LRRC41: variants seen among roughly 807,000 people sequenced by gnomAD.
LRRC41 encodes leucine-rich repeat-containing protein 41.
LRRC41 carries 17 observed loss-of-function variants against 72.1 expected under a neutral mutation model. The ratio of observed to expected loss-of-function variants is 0.24; its 90% CI spans 0.16 to 0.35. The LOEUF (loss-of-function observed/expected upper bound fraction) is 0.35. LRRC41 is among the 10% of genes least tolerant of loss of function. LRRC41 has a pLI of 1.00. For synonymous variants in LRRC41, 427 were observed against 431.0 expected (o/e 0.99, Z 0.11); for missense variants, 759 against 1,065.0 (o/e 0.71, Z 4.00).
At position 46,286,680 on chromosome 1, in the gene LRRC41, G is replaced by A. The variant is rs184586520; in HGVS notation, c.358-181C>T. On this transcript the variant is annotated intron_variant, in intron 3 of 9. Coordinates refer to ENST00000617190, the MANE Select transcript of LRRC41 (RefSeq NM_006369.5). The surrounding 1 kb of genome is among the most constrained non-coding windows in gnomAD (Gnocchi z 5.5). ...TTTACAGGTAAAACCGAGGCACAAA[G>A]AGGTGGCCACACAGGTAAGTGGTTG... is the stretch of plus-strand genomic sequence containing the variant. Among the ~76,000 whole-genome samples, 11 of 152,304 alleles carry A rather than the reference G, an allele frequency of 7.2e-5. No homozygotes were observed. Among genetic ancestry groups the A allele is most frequent in the Non-Finnish European group, 1.3e-4 (9 of 68,024 alleles).
chr1:46,280,337 G>C, intron 6 of LRRC41, 47 bp from the exon 7 acceptor site: 3 of 1,612,588 alleles, frequency 1.9e-6, no homozygotes, highest in Non-Finnish European at 2.5e-6. Flanking sequence ...AGCTTTCCTA[G>C]AGAACAGTGC....
In LRRC41 at chr1:46,278,560, G is replaced by A. The variant is rs77861037; in HGVS notation, c.*305C>T. On this transcript the variant is annotated 3_prime_UTR_variant, in exon 10 of 10. Coordinates refer to ENST00000617190, the MANE Select transcript of LRRC41 (RefSeq NM_006369.5). The stretch of plus-strand genomic sequence containing the variant: ...CCTGGGTGCCTGCTTGAGGAGGGAA[G>A]GCAGGAACCCAGGGGCAGGGGAGGG... 1 of 610,150 alleles carries A rather than the reference G, an allele frequency of 1.6e-6. No homozygotes were observed. The highest frequency in any genetic ancestry group is 2.9e-6 in the Non-Finnish European group (1 of 347,878). 37.8% of individuals were successfully genotyped at this position (610,150 alleles called of 1,614,324 possible).
intron 3 of LRRC41, among the ~76,000 whole-genome samples, chr1:46,288,572 T>C (rs1660931515): frequency 6.6e-6 from 1 of 152,192 alleles, no homozygotes; most frequent in South Asian, 2.1e-4. Context: ...CTAAAACATT[T>C]CTTTGATCCT....
At position 46,303,192 on chromosome 1, in the gene LRRC41, G is replaced by T. The variant is rs201408120; in HGVS notation, c.131C>A (p.Pro44His). ...KSSASGPNAP[P>H]ALFELCGRAV... ...CCGCCCGCACAGCTCGAACAGGGCG[G>T]GGGGAGCGTTGGGGCCCGAGGCCGA... The change falls in exon 1 of 10, where the codon CCC becomes CAC. Residue 44 changes from proline (P) to histidine (H), a missense_variant. By Grantham distance (77) the Pro-to-His change is moderately conservative. This residue lies in a region of LRRC41 where 106 missense variants were observed against 66.1 expected (regional missense o/e 1.60). Transcript: ENST00000617190. 1.2e-5 allele frequency: 19 copies of T among 1,575,788 alleles called. 1 individual carries two copies. Among genetic ancestry groups the T allele is most frequent in the African/African-American group, 5.5e-5 (4 of 73,238 alleles).
At position 46,280,976 on chromosome 1, in the gene LRRC41, T is replaced by C. The variant is rs192901364; in HGVS notation, c.1756+149A>G. 7.5e-4 allele frequency: 815 copies of C among 1,081,064 alleles called. 4 individuals carry two copies. The African/African-American group carries it at 0.011, about 15-fold the overall frequency. 67.0% of individuals were successfully genotyped at this position (1,081,064 alleles called of 1,614,324 possible). On this transcript the variant is annotated intron_variant, in intron 5 of 9. Transcript: ENST00000617190. ...CCTGTCTAGCTCAAGAGTATCTTAG[T>C]GGTAGGCTCTAAAGGGGGGATAGGT...
In LRRC41 at chr1:46,302,606, C is replaced by T. The variant is rs1661264646; in HGVS notation, c.199+518G>A. 1 of 985,314 alleles carries T rather than the reference C, an allele frequency of 1.0e-6. No homozygotes were observed. Among genetic ancestry groups the T allele is most frequent in the African/African-American group, 1.7e-5 (1 of 57,342 alleles). 61.0% of individuals were successfully genotyped at this position (985,314 alleles called of 1,614,324 possible). A position where few individuals can be genotyped will look rare whatever the true frequency, so the allele number is the denominator to read the frequency against. ...TCCTCCCCTCCGCCCATCGGCTTGG[C>T]CTCCGGAATCTCGACCCCCGTGGCG... On this transcript the variant is annotated intron_variant, in intron 1 of 9. Transcript: ENST00000617190. The surrounding 1 kb of genome is among the most constrained non-coding windows in gnomAD (Gnocchi z 4.7).
intron 3 of LRRC41, among the ~76,000 whole-genome samples, chr1:46,291,490 A>G (rs1661014402): frequency 2.0e-5 from 3 of 149,110 alleles, no homozygotes; most frequent in South Asian, 4.2e-4. Flanking sequence ...GCATGCCACT[A>G]TGCACAGCTA....
At chr1:46,289,471 G>GTA in intron 3 of LRRC41, among the ~76,000 whole-genome samples, 1 of 152,242 alleles carries the variant, frequency 6.6e-6, no homozygotes, top group East Asian at 1.9e-4. Context: ...CCACTCTTAA[G>GTA]AATCTATGGG....
rs201409018 is a variant in LRRC41 at position 46,285,680 on chromosome 1, G to C, written c.1177C>G (p.Arg393Gly). The change falls in exon 4 of 10, where the codon CGA (arginine) becomes GGA (glycine). Residue 393 changes from arginine to glycine, a missense_variant. Physicochemically the swap from Arg to Gly is moderately radical, Grantham distance 125. Transcript: ENST00000617190. This position sits in a 1 kb window ranked among gnomAD's most constrained non-coding sequence, Gnocchi z 5.3. ...CGAGCACCCTTCTTCCCTGCAGCTC[G>C]CTTGAAACGCTTTAGGGGCTTAGGC... Reference protein sequence around the residue: ...PQPKPLKRFKRAAGKKGARTR... With the variant: ...PQPKPLKRFKGAAGKKGARTR... 18 of 1,614,090 alleles carry C rather than the reference G, an allele frequency of 1.1e-5. No individual in the cohort carries two copies. In the African/African-American group the frequency reaches 2.4e-4, roughly 22 times the overall value.
intron 3 of LRRC41, among the ~76,000 whole-genome samples, chr1:46,296,326 A>G (rs1661125693): frequency 6.6e-6 from 1 of 152,226 alleles, no homozygotes; most frequent in Non-Finnish European, 1.5e-5. Flanking sequence ...CTGAGGCAGG[A>G]GAATTGCTTG....
In LRRC41 at chr1:46,277,898, G is replaced by A; in HGVS notation, c.*967C>T. On this transcript the variant is annotated 3_prime_UTR_variant, in exon 10 of 10. Coordinates refer to ENST00000617190, the MANE Select transcript of LRRC41 (RefSeq NM_006369.5). ...CAGCTGTGTGGTGGATGAGGAGCAG[G>A]ATGTAGAGCGCCACTTCTCTCTGGG... 1 of 1,614,128 alleles carries A rather than the reference G, an allele frequency of 6.2e-7. No homozygotes were observed. Among genetic ancestry groups the A allele is most frequent in the East Asian group, 2.2e-5 (1 of 44,886 alleles).
Position 46,277,503 on chromosome 1 carries a change from T to C in LRRC41, c.*1362A>G. 1 of 445,240 alleles carries C rather than the reference T, an allele frequency of 2.2e-6. No homozygotes were observed. The highest frequency in any genetic ancestry group is 6.6e-4 in the Middle Eastern group (1 of 1,516). The allele number at this position is 445,240 out of a possible 1,614,324, so 27.6% of individuals were successfully genotyped here. ...ATGATATTTATTGAATGAGTTAGAGTTGGGCTTGGTGCAGAAATCTGAAGC... is the reference window on the plus strand; with the variant it reads ...ATGATATTTATTGAATGAGTTAGAGCTGGGCTTGGTGCAGAAATCTGAAGC... On this transcript the variant is annotated 3_prime_UTR_variant, in exon 10 of 10. Transcript: ENST00000617190.
chr1:46,282,316 G>C (rs532362188), intron 4 of LRRC41, among the ~76,000 whole-genome samples: 1 of 152,344 alleles, frequency 6.6e-6, no homozygotes, highest in South Asian at 2.1e-4. Flanking sequence ...GGCAGGAAAA[G>C]ATAACCAAAT....
Position 46,280,213 on chromosome 1 carries a change from G to A in LRRC41, c.1999C>T (p.Leu667=), listed in dbSNP as rs773779567. 2 of 1,614,080 alleles carry A rather than the reference G, an allele frequency of 1.2e-6. No homozygotes were observed. Among genetic ancestry groups the A allele is most frequent in the Admixed American group, 3.3e-5 (2 of 60,024 alleles). Residue 667 remains leucine, a synonymous_variant, in exon 7 of 10, where the codon CTA becomes TTA. Coordinates refer to ENST00000617190, the MANE Select transcript of LRRC41 (RefSeq NM_006369.5). ...TTACCTTGCAGAGTCAGATTCTGTA[G>A]CAAAAAGAGCACCTCGCTCTGACAG... is the stretch of plus-strand genomic sequence containing the variant. ...ADCQSEVLFL[L]QNLTLQEITF...
rs1169091894 is a variant in LRRC41 at position 46,279,887 on chromosome 1, A to G, written c.2021-273T>C. Among the ~76,000 whole-genome samples the G allele has an allele frequency of 6.6e-6, 1 of 152,056 alleles. No individual in the cohort carries two copies. Among genetic ancestry groups the G allele is most frequent in the Non-Finnish European group, 1.5e-5 (1 of 68,014 alleles). On this transcript the variant is annotated intron_variant, in intron 7 of 9. Transcript: ENST00000617190. This position sits in a 1 kb window ranked among gnomAD's most constrained non-coding sequence, Gnocchi z 4.5. ...GGCCACCCTCTATGCGGGGGTGGGG[A>G]TCAGAGAAAAGTCTATGAGGGGAGC...
rs1414184250 is a variant in LRRC41, at chr1:46,285,873, C to T, written c.984G>A (p.Gln328=). Residue 328 remains glutamine, a synonymous_variant, in exon 4 of 10, where the codon CAG becomes CAA. Coordinates refer to ENST00000617190, the MANE Select transcript of LRRC41 (RefSeq NM_006369.5). The surrounding 1 kb of genome is among the most constrained non-coding windows in gnomAD (Gnocchi z 5.3). ...CTGTTCCGCCTGCTGTCAGGCTCTC[C>T]TGTGTGCTCCGGCGTGTTACCCGAG... ...PATRVTRRST[Q]ESLTAGGTDL... 3 of 1,574,518 alleles carry T rather than the reference C, an allele frequency of 1.9e-6. No homozygotes were observed. The highest frequency in any genetic ancestry group is 1.4e-5 in the African/African-American group (1 of 73,552).
At chr1:46,290,318 A>T (rs1320608700) in intron 3 of LRRC41, among the ~76,000 whole-genome samples, 1 of 152,094 alleles carries the variant, frequency 6.6e-6, no homozygotes, top group East Asian at 1.9e-4. Context: ...CTGAGGTGGG[A>T]GGATCGCCTG....
Position 46,285,517 on chromosome 1 carries a change from C to A in LRRC41, c.1340G>T (p.Cys447Phe), listed in dbSNP as rs1270131430. The change falls in exon 4 of 10, where the codon TGC becomes TTC. Residue 447 changes from cysteine (C) to phenylalanine (F), a missense_variant. Cys to Phe is a radical substitution (Grantham distance 205). This residue lies in a region of LRRC41 where 427 missense variants were observed against 520.9 expected (regional missense o/e 0.82). Coordinates refer to ENST00000617190, the MANE Select transcript of LRRC41 (RefSeq NM_006369.5). This position sits in a 1 kb window ranked among gnomAD's most constrained non-coding sequence, Gnocchi z 5.3. ...CGALDGSDPS[C>F]LGLPALEASQ... ...AGCTTCCAGTGCTGGAAGCCCCAGG[C>A]AGCTGGGATCTGATCCATCCAAAGC... The A allele has an allele frequency of 6.2e-7, 1 of 1,614,112 alleles. No homozygotes were observed. Among genetic ancestry groups the A allele is most frequent in the Non-Finnish European group, 8.5e-7 (1 of 1,180,020 alleles).
chr1:46,283,198 G>A (rs921402787), intron 4 of LRRC41, among the ~76,000 whole-genome samples: 2 of 152,182 alleles, frequency 1.3e-5, no homozygotes, highest in Non-Finnish European at 2.9e-5. Context: ...TTGGGCTGCA[G>A]TGCAGATAAT....
Sources: allele counts gnomAD v4.1 joint callset (sites outside exome capture counted in the v4.1 genomes callset), GRCh38; gene constraint gnomAD v4.1.1; regional missense constraint gnomAD v4.1.1; non-coding constraint Gnocchi (gnomAD v3.1); transcripts MANE v1.5; gene names NCBI Gene and HGNC (gene_info 2026-07-23, HGNC 2026-07-21).